The following MITF variants were observed in gnomAD, a reference collection of about 807,000 sequenced individuals.
MITF encodes microphthalmia-associated transcription factor.
A neutral mutation model predicts 60.5 loss-of-function variants in MITF; 17 were observed. The observed-to-expected ratio is 0.28, with a 90% CI of 0.19 to 0.42. The LOEUF (loss-of-function observed/expected upper bound fraction) is 0.42. Among genes scored for constraint, MITF ranks in the 10% least tolerant of loss-of-function variants. The pLI is 1.00. For missense variants in MITF, 622 were observed against 683.5 expected, an observed-to-expected ratio of 0.91 and a Z score of 1.00; for synonymous variants, 260 against 248.5, an observed-to-expected ratio of 1.05 and a Z score of -0.43.
chr3:69,768,226 A>G lies in MITF; in HGVS notation c.104+28525A>G, dbSNP rs180721471. 5.3e-5 allele frequency among the ~76,000 whole-genome samples: 8 copies of G among 152,316 alleles called. 1 individual carries two copies. The highest frequency in any genetic ancestry group is 1.9e-4 in the African/African-American group (8 of 41,582). On this transcript the variant is annotated intron_variant, in intron 1 of 9. Transcript: ENST00000352241. ...TGAAGTTAATTTATAGTCTGACAAC[A>G]TGTTCTCTGCTTTCTATAGGAAATT...
Position 69,802,775 on chromosome 3 carries a change from TCC to T in MITF, c.104+63075_104+63076del, listed in dbSNP as rs1331561105. 3.8e-3 allele frequency among the ~76,000 whole-genome samples: 529 copies of T among 139,936 alleles called. 6 individuals carry two copies. The highest frequency in any genetic ancestry group is 0.013 in the African/African-American group (490 of 37,996). The allele number at this position is 139,936 out of a possible 152,430, so 91.8% of individuals were successfully genotyped here. On this transcript the variant is annotated intron_variant, in intron 1 of 9. Coordinates refer to ENST00000352241, the MANE Select transcript of MITF (RefSeq NM_001354604.2). Reference sequence around the variant, plus strand: ...GGTGTGATCTCGGCTTACTGCAATCTCCGCCTCCTAGGTTCCAGTGATTCTCC... The same window carrying T: ...GGTGTGATCTCGGCTTACTGCAATCTGCCTCCTAGGTTCCAGTGATTCTCC...
chr3:69,921,124 G>A (rs1031090700), intron 2 of MITF, among the ~76,000 whole-genome samples: 3 of 152,072 alleles, frequency 2.0e-5, no homozygotes, highest in African/African-American at 7.2e-5. Flanking sequence ...CATCTGCCTC[G>A]GCCTCCCAAA....
intron 1 of MITF, among the ~76,000 whole-genome samples, chr3:69,754,064 G>A (rs764320942): frequency 6.6e-6 from 1 of 152,158 alleles, no homozygotes; most frequent in Non-Finnish European, 1.5e-5. Flanking sequence ...AGGTCAAATT[G>A]TAATCCCCAA....
intron 2 of MITF, among the ~76,000 whole-genome samples, chr3:69,901,653 G>A (rs79421829): frequency 0.015 from 2,245 of 152,168 alleles, 24 homozygotes; most frequent in Middle Eastern, 0.048. Flanking sequence ...CCTCCCCTCC[G>A]AGTCTCTCCA....
intron 2 of MITF, among the ~76,000 whole-genome samples, chr3:69,918,908 A>G (rs951720890): frequency 6.6e-6 from 1 of 152,240 alleles, no homozygotes; most frequent in African/African-American, 2.4e-5. Flanking sequence ...GTTGTTAAGT[A>G]AATAATCATG....
At chr3:69,937,736 A>G (rs1022354474) in intron 2 of MITF, 86 bp from the exon 3 acceptor site, 1 of 1,062,188 alleles carries the variant, frequency 9.4e-7, no homozygotes, top group Non-Finnish European at 1.4e-6. Flanking sequence ...TGGCCTGGTC[A>G]GTTTCATGTT....
intron 1 of MITF, among the ~76,000 whole-genome samples, chr3:69,785,271 AAGCAGC>A (rs35669744): frequency 6.6e-6 from 1 of 151,236 alleles, no homozygotes; most frequent in Admixed American, 6.6e-5. Flanking sequence ...AAATAACAGC[AAGCAGC>A]AGCAGCAGCA....
intron 1 of MITF, among the ~76,000 whole-genome samples, chr3:69,817,945 C>CTT (rs1456915783): frequency 3.3e-5 from 5 of 152,100 alleles, no homozygotes. Context: ...TAAAGTTATA[C>CTT]TTAGGAGTCC....
chr3:69,762,534 G>T (rs1237684178), intron 1 of MITF, among the ~76,000 whole-genome samples: 1 of 152,202 alleles, frequency 6.6e-6, no homozygotes, highest in Non-Finnish European at 1.5e-5. Context: ...CTGATTGAAA[G>T]CCTTTAGCCT....
At chr3:69,748,170 A>C (rs547404702) in intron 1 of MITF, among the ~76,000 whole-genome samples, 12 of 152,372 alleles carry the variant, frequency 7.9e-5, no homozygotes, top group African/African-American at 2.9e-4. Context: ...CATCTTTAAA[A>C]AAATCTTCAA....
At chr3:69,832,457 T>C (rs1268799389) in intron 1 of MITF, among the ~76,000 whole-genome samples, 1 of 152,222 alleles carries the variant, frequency 6.6e-6, no homozygotes, top group Non-Finnish European at 1.5e-5. Context: ...TTGAGGTGAC[T>C]TACTCCCTTT....
chr3:69,956,361 T>A, intron 7 of MITF, 94 bp from the exon 8 acceptor site: 1 of 984,340 alleles, frequency 1.0e-6, no homozygotes, highest in Non-Finnish European at 1.6e-6. Context: ...TGTCATGACC[T>A]GGAGAAGTTA....
chr3:69,803,513 T>C (rs2062955821), intron 1 of MITF, among the ~76,000 whole-genome samples: 1 of 152,182 alleles, frequency 6.6e-6, no homozygotes. Flanking sequence ...TGGTATGAAA[T>C]AGTTTGCTGG....
intron 1 of MITF, among the ~76,000 whole-genome samples, chr3:69,858,953 C>T (rs957170465): frequency 6.6e-6 from 1 of 152,072 alleles, no homozygotes; most frequent in East Asian, 1.9e-4. Context: ...TTTTCTTGTA[C>T]CATGTTAAGT....
intron 1 of MITF, among the ~76,000 whole-genome samples, chr3:69,812,967 T>A (rs1358628227): frequency 6.6e-6 from 1 of 152,194 alleles, no homozygotes; most frequent in Non-Finnish European, 1.5e-5. Flanking sequence ...AATGTGTAAG[T>A]GGCTCTGAGA....
chr3:69,801,763 C>A (rs2062923603), intron 1 of MITF, among the ~76,000 whole-genome samples: 2 of 152,148 alleles, frequency 1.3e-5, no homozygotes, highest in Admixed American at 1.3e-4. Context: ...GGGTGACAAA[C>A]TGCATTGGAA....
Position 69,938,235 on chromosome 3 carries a change from G to A in MITF, c.582+186G>A, listed in dbSNP as rs1576005931. 99 of 1,129,556 alleles carry A rather than the reference G, an allele frequency of 8.8e-5. 1 individual carries two copies. In the South Asian group the frequency reaches 1.2e-3, roughly 14 times the overall value. The allele number at this position is 1,129,556 out of a possible 1,614,324, so 70.0% of individuals were successfully genotyped here. ...TGTCTCCATCGCTGGGTTATTGGGT[G>A]TAGAGCACATGACGGGAGACCTGGC... On this transcript the variant is annotated intron_variant, in intron 3 of 9. Coordinates refer to ENST00000352241, the MANE Select transcript of MITF (RefSeq NM_001354604.2).
chr3:69,810,322 G>A (rs1291256738), intron 1 of MITF, among the ~76,000 whole-genome samples: 1 of 152,116 alleles, frequency 6.6e-6, no homozygotes, highest in Non-Finnish European at 1.5e-5. Flanking sequence ...TATCTTAAAT[G>A]TGGTTAATTT....
intron 1 of MITF, among the ~76,000 whole-genome samples, chr3:69,839,703 C>T (rs549777934): frequency 3.3e-5 from 5 of 151,490 alleles, no homozygotes; most frequent in Admixed American, 1.3e-4. Flanking sequence ...AGAAGGGAAC[C>T]GACTTTCCAT....
Sources: allele counts gnomAD v4.1 joint callset (sites outside exome capture counted in the v4.1 genomes callset), GRCh38; gene constraint gnomAD v4.1.1; transcripts MANE v1.5; gene names NCBI Gene and HGNC (gene_info 2026-07-23, HGNC 2026-07-21).